The following RAD54L2 variants were observed in gnomAD, a reference collection of about 807,000 sequenced individuals.
RAD54L2 encodes helicase ARIP4.
RAD54L2 carries 27 observed loss-of-function variants against 138.4 expected under a neutral mutation model. That is an observed-to-expected ratio of 0.20 (90% CI 0.14 to 0.27). RAD54L2 has a LOEUF of 0.27. RAD54L2 is among the 10% of genes least tolerant of loss of function. The pLI, the probability that RAD54L2 is intolerant of heterozygous loss-of-function variation, is 1.00. For missense variants in RAD54L2, 1,396 were observed against 1,890.2 expected (o/e 0.74, Z 4.85); for synonymous variants, 644 against 723.2 (o/e 0.89, Z 1.76).
At chr3:51,658,286 C>A (rs998236577) in intron 21 of RAD54L2, among the ~76,000 whole-genome samples, 1 of 152,000 alleles carries the variant, frequency 6.6e-6, no homozygotes, top group African/African-American at 2.4e-5. Context: ...ACAAGGAGAC[C>A]AAAATTGGAG....
At chr3:51,622,518 AG>A (rs2106781842) in intron 3 of RAD54L2, among the ~76,000 whole-genome samples, 1 of 152,254 alleles carries the variant, frequency 6.6e-6, no homozygotes, top group African/African-American at 2.4e-5. Context: ...GAAAAGCAAA[AG>A]CTGTCTACCC....
At chr3:51,626,590 G>A (rs1258115893) in intron 3 of RAD54L2, among the ~76,000 whole-genome samples, 2 of 151,080 alleles carry the variant, frequency 1.3e-5, no homozygotes, top group East Asian at 2.0e-4. Context: ...GATTACAGGC[G>A]CCCGCCACCA....
At chr3:51,563,940 T>A (rs1699157093) in intron 2 of RAD54L2, among the ~76,000 whole-genome samples, 1 of 152,234 alleles carries the variant, frequency 6.6e-6, no homozygotes, top group Non-Finnish European at 1.5e-5. Flanking sequence ...AAATCTTTTT[T>A]AAAACATGCC....
Position 51,668,538 on chromosome 3 carries a change from T to C in RAD54L2, c.*5118T>C, listed in dbSNP as rs1701958375. 6.6e-6 allele frequency: 1 copy of C among 152,190 alleles called. No homozygotes were observed. Among genetic ancestry groups the C allele is most frequent in the African/African-American group, 2.4e-5 (1 of 41,438 alleles). The allele number at this position is 152,190 out of a possible 1,614,324, so 9.4% of individuals were successfully genotyped here. On this transcript the variant is annotated 3_prime_UTR_variant, in exon 23 of 23. Transcript: ENST00000684192. Reference sequence around the variant, plus strand: ...GGCAACTGGCTGTTTCTATGACGTATTTATTTTTACTTGTGTTTCATGTCA... The same window carrying C: ...GGCAACTGGCTGTTTCTATGACGTACTTATTTTTACTTGTGTTTCATGTCA...
At position 51,663,555 on chromosome 3, in the gene RAD54L2, C is replaced by T. The variant is rs1701842541; in HGVS notation, c.*135C>T. 13 of 688,786 alleles carry T rather than the reference C, an allele frequency of 1.9e-5. No individual in the cohort carries two copies. In the East Asian group the frequency reaches 4.8e-4, roughly 25 times the overall value. The allele number at this position is 688,786 out of a possible 1,614,324, so 42.7% of individuals were successfully genotyped here. ...GAAGAGGACAAAGGAGGGTGGTTGGCCAAAGTGGCAGAGCTCTGTTGCTGT... is the reference window on the plus strand; with the variant it reads ...GAAGAGGACAAAGGAGGGTGGTTGGTCAAAGTGGCAGAGCTCTGTTGCTGT... On this transcript the variant is annotated 3_prime_UTR_variant, in exon 23 of 23. Coordinates refer to ENST00000684192, the MANE Select transcript of RAD54L2 (RefSeq NM_015106.4).
chr3:51,585,265 A>C (rs1165140229), intron 2 of RAD54L2, among the ~76,000 whole-genome samples: 2 of 152,190 alleles, frequency 1.3e-5, no homozygotes, highest in Non-Finnish European at 2.9e-5. Flanking sequence ...ACTGAAGGTC[A>C]CCAAAATTAA....
At chr3:51,580,189 G>A (rs1186877985) in intron 2 of RAD54L2, among the ~76,000 whole-genome samples, 1 of 152,132 alleles carries the variant, frequency 6.6e-6, no homozygotes, top group Non-Finnish European at 1.5e-5. Context: ...CCCTCCTCAG[G>A]TTTAATAATT....
chr3:51,602,474 C>T (rs1249264367), intron 3 of RAD54L2, among the ~76,000 whole-genome samples: 4 of 152,184 alleles, frequency 2.6e-5, no homozygotes, highest in African/African-American at 7.2e-5. Flanking sequence ...TCAGAATAGA[C>T]TTTGTCAAAT....
rs1701899324 is a variant in RAD54L2, at chr3:51,665,879, T to TATAC, written c.*2460_*2461insTACA. On this transcript the variant is annotated 3_prime_UTR_variant, in exon 23 of 23. Transcript: ENST00000684192. ...GTTCACTTCTAGGAAATCACTGTAC[T>TATAC]AGCCTCCAAGAATCCGGAAACCTTC... 1 of 152,248 alleles carries TATAC rather than the reference T, an allele frequency of 6.6e-6. No homozygotes were observed. Among genetic ancestry groups the TATAC allele is most frequent in the Admixed American group, 6.5e-5 (1 of 15,284 alleles). The allele number at this position is 152,248 out of a possible 1,614,324, so 9.4% of individuals were successfully genotyped here. A position where few individuals can be genotyped will look rare whatever the true frequency, so the allele number is the denominator to read the frequency against.
At position 51,545,030 on chromosome 3, in the gene RAD54L2, G is replaced by A. The variant is rs1297408610; in HGVS notation, c.-55+3380G>A. 2.0e-5 allele frequency among the ~76,000 whole-genome samples: 3 copies of A among 152,136 alleles called. No individual in the cohort carries two copies. In the East Asian group the frequency reaches 5.8e-4, roughly 29 times the overall value. On this transcript the variant is annotated intron_variant, in intron 2 of 22. Coordinates refer to ENST00000684192, the MANE Select transcript of RAD54L2 (RefSeq NM_015106.4). Reference sequence around the variant, plus strand: ...CGATTATTTGAGCAAACTTTATTCAGGAGTTAGAATTCAGTGACTATAAAA... The same window carrying A: ...CGATTATTTGAGCAAACTTTATTCAAGAGTTAGAATTCAGTGACTATAAAA...
chr3:51,565,628 A>C (rs1699197869), intron 2 of RAD54L2, among the ~76,000 whole-genome samples: 1 of 152,048 alleles, frequency 6.6e-6, no homozygotes, highest in Non-Finnish European at 1.5e-5. Flanking sequence ...GCGTGCCACC[A>C]TGCCAGGCTA....
intron 2 of RAD54L2, among the ~76,000 whole-genome samples, chr3:51,548,630 A>T (rs984624044): frequency 5.9e-5 from 9 of 152,144 alleles, no homozygotes; most frequent in Admixed American, 2.0e-4. Flanking sequence ...AAAAGCTGGG[A>T]ATTGCTGCCT....
chr3:51,589,097 TTCC>T (rs1482787805), intron 2 of RAD54L2, among the ~76,000 whole-genome samples: 1 of 152,192 alleles, frequency 6.6e-6, no homozygotes, highest in African/African-American at 2.4e-5. Flanking sequence ...TATACAACTG[TTCC>T]TCCATGTACA....
chr3:51,546,022 T>C (rs1263544663), intron 2 of RAD54L2, among the ~76,000 whole-genome samples: 2 of 136,982 alleles, frequency 1.5e-5, no homozygotes, highest in Non-Finnish European at 3.1e-5. Flanking sequence ...CACTGCAACC[T>C]CTGCCTCCTG....
rs1701935357 is a variant in RAD54L2, at chr3:51,667,576, A to G, written c.*4156A>G. Reference sequence around the variant, plus strand: ...AACTAAGTGAAGTCATCCTTCCCCAAAAGGACCCCTGGGAGATGTTCTGGC... The same window carrying G: ...AACTAAGTGAAGTCATCCTTCCCCAGAAGGACCCCTGGGAGATGTTCTGGC... On this transcript the variant is annotated 3_prime_UTR_variant, in exon 23 of 23. Coordinates refer to ENST00000684192, the MANE Select transcript of RAD54L2 (RefSeq NM_015106.4). The G allele has an allele frequency of 6.6e-6, 1 of 152,316 alleles. No individual in the cohort carries two copies. Among genetic ancestry groups the G allele is most frequent in the Non-Finnish European group, 1.5e-5 (1 of 68,082 alleles). The allele number at this position is 152,316 out of a possible 1,614,324, so 9.4% of individuals were successfully genotyped here.
chr3:51,569,233 A>G (rs1288506320), intron 2 of RAD54L2, among the ~76,000 whole-genome samples: 1 of 152,222 alleles, frequency 6.6e-6, no homozygotes, highest in African/African-American at 2.4e-5. Context: ...TACAGAAGTT[A>G]TAGCTGCATG....
chr3:51,629,571 C>G, intron 5 of RAD54L2, 98 bp downstream of exon 5: 1 of 1,459,600 alleles, frequency 6.9e-7, no homozygotes, highest in Non-Finnish European at 9.2e-7. Context: ...AAGACTGTGG[C>G]CTCTCGGCTG....
intron 22 of RAD54L2, among the ~76,000 whole-genome samples, chr3:51,660,627 T>C (rs1195168373): frequency 6.9e-6 from 1 of 145,804 alleles, no homozygotes; most frequent in Non-Finnish European, 1.5e-5. Context: ...TTTTGTTTTT[T>C]TTGTTTTTTT....
intron 3 of RAD54L2, among the ~76,000 whole-genome samples, chr3:51,622,703 A>G (rs949831776): frequency 6.6e-6 from 1 of 152,148 alleles, no homozygotes; most frequent in Non-Finnish European, 1.5e-5. Context: ...AATGCCAGGA[A>G]GGAGAGGGTT....
Sources: allele counts gnomAD v4.1 joint callset (sites outside exome capture counted in the v4.1 genomes callset), GRCh38; gene constraint gnomAD v4.1.1; transcripts MANE v1.5; gene names NCBI Gene and HGNC (gene_info 2026-07-23, HGNC 2026-07-21).